CADM2: variants seen among roughly 807,000 people sequenced by gnomAD.
CADM2 encodes cell adhesion molecule 2.
CADM2 carries 12 observed loss-of-function variants against 49.8 expected under a neutral mutation model. The ratio of observed to expected loss-of-function variants is 0.24; its 90% CI spans 0.15 to 0.39. The LOEUF (loss-of-function observed/expected upper bound fraction) is 0.39, where lower values mean the gene tolerates loss of function less well. CADM2 is among the 10% of genes least tolerant of loss of function. The pLI is 1.00. For missense variants in CADM2, 378 were observed against 492.3 expected, an observed-to-expected ratio of 0.77 and a Z score of 2.20; for synonymous variants, 214 against 175.4, an observed-to-expected ratio of 1.22 and a Z score of -1.74.
chr3:86,054,475 C>A (rs1426506331), intron 8 of CADM2, among the ~76,000 whole-genome samples: 1 of 151,986 alleles, frequency 6.6e-6, no homozygotes, highest in Non-Finnish European at 1.5e-5. Context: ...ATGTTTCTAA[C>A]AGGTGATGAT....
chr3:85,982,103 T>C (rs559701470), intron 8 of CADM2, among the ~76,000 whole-genome samples: 7 of 151,832 alleles, frequency 4.6e-5, no homozygotes, highest in Admixed American at 4.0e-4. Flanking sequence ...CTCTAATGAT[T>C]AGTGATGTTG....
intron 3 of CADM2, among the ~76,000 whole-genome samples, chr3:85,864,950 G>C (rs2075670574): frequency 6.6e-6 from 1 of 152,080 alleles, no homozygotes; most frequent in African/African-American, 2.4e-5. Flanking sequence ...TCTTGAGGTT[G>C]AACATTATCT....
chr3:85,021,268 A>T (rs1394682455), intron 1 of CADM2, among the ~76,000 whole-genome samples: 1 of 152,174 alleles, frequency 6.6e-6, no homozygotes, highest in Non-Finnish European at 1.5e-5. Context: ...CTTGCTTTTC[A>T]TTTTCGACAT....
At chr3:85,189,718 C>T (rs189785838) in intron 1 of CADM2, among the ~76,000 whole-genome samples, 17 of 152,180 alleles carry the variant, frequency 1.1e-4, no homozygotes, top group Admixed American at 7.2e-4. Context: ...TCAAGGCATT[C>T]TTTAGGGGGG....
At chr3:85,365,569 T>G (rs2107297406) in intron 1 of CADM2, among the ~76,000 whole-genome samples, 1 of 152,272 alleles carries the variant, frequency 6.6e-6, no homozygotes, top group Middle Eastern at 3.4e-3. Context: ...AGTAATCCAC[T>G]CCTGATTTTT....
At position 85,641,754 on chromosome 3, in the gene CADM2, G is replaced by A. The variant is rs930428049; in HGVS notation, c.62-84768G>A. 5.0e-5 allele frequency among the ~76,000 whole-genome samples: 7 copies of A among 141,264 alleles called. No individual in the cohort carries two copies. In the East Asian group the frequency reaches 1.3e-3, roughly 27 times the overall value. 92.7% of individuals were successfully genotyped at this position (141,264 alleles called of 152,430 possible). A position where few individuals can be genotyped will look rare whatever the true frequency, so the allele number is the denominator to read the frequency against. ...ATCCTGGCTAACACCTTGAAACCCC[G>A]TCTTTACTAAAAATACAAAAAAAAA... On this transcript the variant is annotated intron_variant, in intron 1 of 9. Transcript: ENST00000383699.
intron 2 of CADM2, among the ~76,000 whole-genome samples, chr3:85,747,967 T>C (rs1013417636): frequency 1.3e-5 from 2 of 152,124 alleles, no homozygotes; most frequent in Non-Finnish European, 2.9e-5. Context: ...CTTTTTGATA[T>C]AAAGGAGTTT....
rs530913787 is a variant in CADM2 at position 85,230,555 on chromosome 3, G to A, written c.61+270887G>A. The stretch of plus-strand genomic sequence containing the variant: ...TCAAATTAGGTCATTATCCAGTTGT[G>A]TAACAAATAGACTTGTGCTTAAAAA... On this transcript the variant is annotated intron_variant, in intron 1 of 9. Transcript: ENST00000383699. Among the ~76,000 whole-genome samples, 30 of 152,262 alleles carry A rather than the reference G, an allele frequency of 2.0e-4. No homozygotes were observed. The South Asian group carries it at 4.1e-3, about 21-fold the overall frequency.
intron 1 of CADM2, among the ~76,000 whole-genome samples, chr3:85,364,272 A>G (rs1014620490): frequency 2.6e-5 from 4 of 152,168 alleles, no homozygotes; most frequent in Admixed American, 1.3e-4. Flanking sequence ...ATTTTTACCA[A>G]TTAAATCTGG....
intron 1 of CADM2, among the ~76,000 whole-genome samples, chr3:85,258,527 A>G (rs967932704): frequency 1.3e-5 from 2 of 151,848 alleles, no homozygotes; most frequent in African/African-American, 4.8e-5. Flanking sequence ...CAGTCCCAAT[A>G]TTTGCATGCT....
chr3:85,103,161 G>GCATTT (rs1559662867), intron 1 of CADM2, among the ~76,000 whole-genome samples: 1 of 152,110 alleles, frequency 6.6e-6, no homozygotes, highest in Non-Finnish European at 1.5e-5. Context: ...TTAATTATCT[G>GCATTT]CAGACTAGGA....
chr3:85,626,231 A>G (rs1260045838), intron 1 of CADM2, among the ~76,000 whole-genome samples: 1 of 152,010 alleles, frequency 6.6e-6, no homozygotes, highest in Non-Finnish European at 1.5e-5. Context: ...AAATGATTAA[A>G]TGATATAAAA....
At chr3:85,298,085 C>T (rs2106972614) in intron 1 of CADM2, among the ~76,000 whole-genome samples, 1 of 152,102 alleles carries the variant, frequency 6.6e-6, no homozygotes, top group South Asian at 2.1e-4. Context: ...AAATGAACTC[C>T]TACATCCGTG....
chr3:85,519,264 A>G (rs1393423520), intron 1 of CADM2, among the ~76,000 whole-genome samples: 2 of 152,130 alleles, frequency 1.3e-5, no homozygotes, highest in African/African-American at 2.4e-5. Flanking sequence ...GCAGTAATAT[A>G]TATTTGATAA....
chr3:85,105,566 C>A (rs1328903973), intron 1 of CADM2, among the ~76,000 whole-genome samples: 4 of 152,136 alleles, frequency 2.6e-5, no homozygotes, highest in African/African-American at 7.2e-5. Context: ...ACTAGAAATA[C>A]CATTTGACCC....
chr3:85,806,518 G>T (rs1267160056), intron 3 of CADM2, among the ~76,000 whole-genome samples: 1 of 152,140 alleles, frequency 6.6e-6, no homozygotes, highest in Non-Finnish European at 1.5e-5. Flanking sequence ...ATAAAAACAT[G>T]CTGTGAGTGG....
chr3:85,889,871 A>G (rs1352077244), intron 5 of CADM2, among the ~76,000 whole-genome samples: 1 of 152,184 alleles, frequency 6.6e-6, no homozygotes, highest in Non-Finnish European at 1.5e-5. Flanking sequence ...GCACAGGTAT[A>G]TGAACTGGCT....
At chr3:85,503,838 T>G (rs866794432) in intron 1 of CADM2, among the ~76,000 whole-genome samples, 1 of 152,224 alleles carries the variant, frequency 6.6e-6, no homozygotes, top group Non-Finnish European at 1.5e-5. Flanking sequence ...TGAGTGAATT[T>G]TACAAACCTA....
chr3:85,962,087 C>T (rs1416431079), intron 8 of CADM2, among the ~76,000 whole-genome samples: 1 of 151,724 alleles, frequency 6.6e-6, no homozygotes, highest in Non-Finnish European at 1.5e-5. Context: ...AGGCATGCAC[C>T]ACTATATTTT....
Sources: gnomAD v4.1 joint callset for allele counts (sites outside exome capture counted in the v4.1 genomes callset) on GRCh38, gnomAD v4.1.1 for gene constraint, MANE v1.5 for transcripts, NCBI Gene and HGNC (gene_info 2026-07-23, HGNC 2026-07-21) for gene names.